Variants in ANAPC2 observed in about 807,000 individuals in gnomAD.
ANAPC2 encodes the protein anaphase promoting complex subunit 2, also known as anaphase-promoting complex subunit 2.
Under a neutral mutation model 84.3 loss-of-function variants are expected in ANAPC2, and 29 were observed. The ratio of observed to expected loss-of-function variants is 0.34; its 90% CI spans 0.26 to 0.47. The LOEUF is 0.47. Ranked by LOEUF, ANAPC2 falls within the 20% of genes least tolerant of loss-of-function variation. The pLI is 1.00. For synonymous variants in ANAPC2, 571 were observed against 479.4 expected, an observed-to-expected ratio of 1.19 and a Z score of -2.50; for missense variants, 857 against 1,131.7, an observed-to-expected ratio of 0.76 and a Z score of 3.48.
intron 2 of ANAPC2, 164 bp downstream of exon 2, chr9:137,187,317 C>T: frequency 4.6e-6 from 4 of 868,188 alleles, no homozygotes; most frequent in South Asian, 3.6e-5. Flanking sequence ...AAGAGAGACA[C>T]CTGTGTCCAG....
intron 3 of ANAPC2, 39 bp downstream of exon 3, chr9:137,186,185 T>C (rs368477450): frequency 5.6e-6 from 9 of 1,601,962 alleles, no homozygotes; most frequent in African/African-American, 5.4e-5. Flanking sequence ...CCTACTCCCC[T>C]GTCTCCAGCG....
chr9:137,179,152 G>C (rs1834285035), intron 10 of ANAPC2, among the ~76,000 whole-genome samples: 2 of 152,232 alleles, frequency 1.3e-5, no homozygotes, highest in South Asian at 4.1e-4. Context: ...TCCCCTTCCT[G>C]GGGTACCTGG....
intron 3 of ANAPC2, among the ~76,000 whole-genome samples, 193 bp from the exon 4 acceptor site, chr9:137,185,280 G>GC (rs1295623923): frequency 6.6e-6 from 1 of 152,182 alleles, no homozygotes; most frequent in Admixed American, 6.5e-5. Flanking sequence ...CGACGTCCCG[G>GC]CCCCCCTGCA....
At chr9:137,182,799 G>A (rs547109146) in intron 6 of ANAPC2, among the ~76,000 whole-genome samples, 1 of 152,324 alleles carries the variant, frequency 6.6e-6, no homozygotes, top group South Asian at 2.1e-4. Flanking sequence ...TTGCCTGGTC[G>A]GCCTTGGGGA....
chr9:137,182,327 A>G (rs1333795664), intron 6 of ANAPC2, among the ~76,000 whole-genome samples: 6 of 152,210 alleles, frequency 3.9e-5, no homozygotes, highest in African/African-American at 1.4e-4. Flanking sequence ...CCTGGCTAAC[A>G]TGGTGAAACC....
At chr9:137,181,617 G>C in intron 7 of ANAPC2, 64 bp downstream of exon 7, 1 of 1,482,096 alleles carries the variant, frequency 6.7e-7, no homozygotes, top group South Asian at 1.3e-5. Flanking sequence ...GATGAGTCCA[G>C]AGCGGACGGC....
Position 137,175,414 on chromosome 9 carries a change from C to A in ANAPC2, c.2079G>T (p.Arg693=). 1 of 1,607,006 alleles carries A rather than the reference C, an allele frequency of 6.2e-7. No homozygotes were observed. The highest frequency in any genetic ancestry group is 8.5e-7 in the Non-Finnish European group (1 of 1,177,578). Residue 693 remains arginine (R), a synonymous_variant, in exon 12 of 13, where the codon CGG becomes CGT. Coordinates refer to ENST00000323927, the MANE Select transcript of ANAPC2 (RefSeq NM_013366.4). Reference sequence around the variant, plus strand: ...GCTGCAGCCACACGGACATCCGCCGCCGCAGCAGCGCCACGGGCATCTTCA... The same window carrying A: ...GCTGCAGCCACACGGACATCCGCCGACGCAGCAGCGCCACGGGCATCTTCA... The part of the protein sequence containing the change: ...KAVKMPVALL[R]RRMSVWLQQG...
chr9:137,181,767 G>C lies in ANAPC2; in HGVS notation c.1382C>G (p.Pro461Arg). ...DLAVELSKTD[P>R]ASLETGQDSE... ...GTCCTGGCCTGTCTCCAGGCTCGCC[G>C]GGTCGGTCTTGGACAGCTCAACAGC... The change falls in exon 7 of 13, where the codon CCG becomes CGG. Residue 461 changes from proline (P) to arginine (R), a missense_variant. This residue lies in a region of ANAPC2 where 425 missense variants were observed against 595.5 expected (regional missense o/e 0.71). Transcript: ENST00000323927. The C allele has an allele frequency of 1.2e-6, 2 of 1,611,162 alleles. No individual in the cohort carries two copies. The highest frequency in any genetic ancestry group is 1.1e-5 in the South Asian group (1 of 91,060).
chr9:137,175,866 G>A, intron 10 of ANAPC2, 29 bp from the exon 11 acceptor site: 1 of 1,579,560 alleles, frequency 6.3e-7, no homozygotes, highest in Non-Finnish European at 8.6e-7. Context: ...AGCACGGGCA[G>A]CTCGGCTGCA....
chr9:137,178,937 C>T (rs1834280662), intron 10 of ANAPC2, among the ~76,000 whole-genome samples: 1 of 152,202 alleles, frequency 6.6e-6, no homozygotes, highest in African/African-American at 2.4e-5. Context: ...CTGCCCTCCC[C>T]TAGGAGTAAG....
intron 8 of ANAPC2, 130 bp downstream of exon 8, chr9:137,180,658 C>G (rs1210134280): frequency 2.9e-5 from 45 of 1,564,880 alleles, no homozygotes; most frequent in Non-Finnish European, 3.5e-5. Context: ...CTAGCACACC[C>G]CCAGCCAGGA....
intron 6 of ANAPC2, 68 bp downstream of exon 6, chr9:137,183,057 C>A: frequency 5.2e-6 from 7 of 1,354,548 alleles, no homozygotes; most frequent in Non-Finnish European, 7.3e-6. Context: ...GGCTGCCCCC[C>A]AGGACCACGA....
At chr9:137,177,411 G>A (rs901679250) in intron 10 of ANAPC2, among the ~76,000 whole-genome samples, 1 of 147,974 alleles carries the variant, frequency 6.8e-6, no homozygotes, top group Admixed American at 6.6e-5. Context: ...TGATTTCACG[G>A]CGTCCCAGCT....
intron 10 of ANAPC2, among the ~76,000 whole-genome samples, chr9:137,177,360 T>C (rs1834245287): frequency 6.6e-6 from 1 of 150,494 alleles, no homozygotes; most frequent in African/African-American, 2.5e-5. Flanking sequence ...ATGTGTATGC[T>C]TGTCTTACGG....
chr9:137,183,582 C>T (rs1372552952), intron 5 of ANAPC2, 90 bp downstream of exon 5: 2 of 1,518,514 alleles, frequency 1.3e-6, no homozygotes. Context: ...AAGTCCAGGG[C>T]TGGCAGACTA....
Position 137,187,964 on chromosome 9 carries a change from T to C in ANAPC2, c.257A>G (p.Asn86Ser), listed in dbSNP as rs376664418. Residue 86 changes from asparagine to serine, a missense_variant, in exon 2 of 13, where the codon AAC becomes AGC. Around this residue, in one of 3 missense-constraint regions of ANAPC2, gnomAD observed 428 missense variants for 513.8 expected, o/e 0.83. Coordinates refer to ENST00000323927, the MANE Select transcript of ANAPC2 (RefSeq NM_013366.4). ...GGCATTCCAGAACTCAGGGGAGATGTTGGCCTGCAGATCGTTCTGCAGCAC... is the reference window on the plus strand; with the variant it reads ...GGCATTCCAGAACTCAGGGGAGATGCTGGCCTGCAGATCGTTCTGCAGCAC... ...VEVLQNDLQA[N>S]ISPEFWNAIS... The C allele has an allele frequency of 2.7e-5, 44 of 1,613,896 alleles. No homozygotes were observed. The highest frequency in any genetic ancestry group is 2.5e-4 in the East Asian group (11 of 44,880).
chr9:137,176,078 ACCCCC>A, intron 10 of ANAPC2: 2 of 448,194 alleles, frequency 4.5e-6, no homozygotes, highest in African/African-American at 3.2e-5. Context: ...GGGCCTCCTG[ACCCCC>A]AGTGCTTGGA....
rs570580805 is a variant in ANAPC2, at chr9:137,180,514, C to T, written c.1624G>A (p.Val542Met). ...CCAAAGCGCAGCTTCAGCAGCTCCA[C>T]GTTGCGGATCTCCCTGGAAAGACGA... The part of the protein sequence containing the change: ...SFSPEREIRN[V>M]ELLKLRFGEA... The change falls in exon 9 of 13, where the codon GTG (valine) becomes ATG (methionine). Residue 542 changes from valine (V) to methionine (M), a missense_variant. By Grantham distance (21) the Val-to-Met change is conservative. Coordinates refer to ENST00000323927, the MANE Select transcript of ANAPC2 (RefSeq NM_013366.4). The T allele has an allele frequency of 5.6e-6, 9 of 1,613,038 alleles. No homozygotes were observed. Among genetic ancestry groups the T allele is most frequent in the Admixed American group, 1.7e-5 (1 of 60,032 alleles).
rs764160995 is a variant in ANAPC2, at chr9:137,175,371, C to T, written c.2122G>A (p.Glu708Lys). ...VWLQQGVLREEPPGTFSVIEE... is the reference protein window; with the variant it reads ...VWLQQGVLREKPPGTFSVIEE... ...ATGACAGAGAAGGTGCCGGGGGGCT[C>T]CTCACGCAGCACACCCTGCTGCAGC... The change falls in exon 12 of 13, where the codon GAG (glutamate) becomes AAG (lysine). Residue 708 changes from glutamate to lysine, a missense_variant. Physicochemically the swap from Glu to Lys is moderately conservative, Grantham distance 56. Around this residue, in one of 3 missense-constraint regions of ANAPC2, gnomAD observed 425 missense variants for 595.5 expected, o/e 0.71. Transcript: ENST00000323927. The T allele has an allele frequency of 3.1e-6, 5 of 1,611,130 alleles. No homozygotes were observed. In the Admixed American group the frequency reaches 5.0e-5, roughly 16 times the overall value.
Sources: gnomAD v4.1 joint callset for allele counts (sites outside exome capture counted in the v4.1 genomes callset) on GRCh38, gnomAD v4.1.1 for gene constraint, gnomAD v4.1.1 regional missense constraint, MANE v1.5 for transcripts, NCBI Gene and HGNC (gene_info 2026-07-23, HGNC 2026-07-21) for gene names.